The following VPS37A variants were observed in gnomAD, a reference collection of about 807,000 sequenced individuals.
VPS37A encodes VPS37A subunit of ESCRT-I.
VPS37A carries 30 observed loss-of-function variants against 49.8 expected under a neutral mutation model. The observed-to-expected ratio is 0.60, with a 90% CI of 0.45 to 0.82. The LOEUF (loss-of-function observed/expected upper bound fraction) is 0.82. Among genes scored for constraint, VPS37A ranks in the 40% least tolerant of loss-of-function variants. The pLI is 0.00. For missense variants in VPS37A, 593 were observed against 464.4 expected (o/e 1.28, Z -2.55); for synonymous variants, 195 against 160.6 (o/e 1.21, Z -1.62).
At chr8:17,300,339 G>GACTC (rs1157401102), downstream of VPS37A, 3 of 1,150,528 alleles carry the variant, frequency 2.6e-6, no homozygotes, top group African/African-American at 4.7e-5. Context: ...AAGAACATGT[G>GACTC]ACTCAGAGGG....
chr8:17,254,811 A>G (rs912778911), intron 1 of VPS37A, among the ~76,000 whole-genome samples: 1 of 152,176 alleles, frequency 6.6e-6, no homozygotes, highest in Admixed American at 6.5e-5. Context: ...ATGTATAACT[A>G]TTATGTATCC....
At chr8:17,327,605 G>A in the VPS37A span, among the ~76,000 whole-genome samples, 4 of 149,566 alleles carry the variant, frequency 2.7e-5, no homozygotes, top group South Asian at 2.1e-4. Context: ...TTTTAAAAAC[G>A]TATTTTGGAT....
At chr8:17,289,700 T>A (rs912454099) in intron 11 of VPS37A, among the ~76,000 whole-genome samples, 2 of 152,216 alleles carry the variant, frequency 1.3e-5, no homozygotes, top group Non-Finnish European at 2.9e-5. Flanking sequence ...CTTTCTTGGT[T>A]CCATATAAAA....
chr8:17,279,997 T>C (rs1242694463), intron 6 of VPS37A, 31 bp from the exon 7 acceptor site: 3 of 1,607,332 alleles, frequency 1.9e-6, no homozygotes, highest in African/African-American at 1.3e-5. Flanking sequence ...ATGTCTGATA[T>C]TTATTGACAT....
chr8:17,291,430 A>ATTTTTTTTTTTTTTTTTTTTTTTTTTTTT (rs34051181), intron 11 of VPS37A, among the ~76,000 whole-genome samples: 1 of 129,032 alleles, frequency 7.8e-6, no homozygotes, highest in Non-Finnish European at 1.6e-5. Flanking sequence ...GGATTCATTG[A>ATTTTTTTTTTTTTTTTTTTTTTTTTTTTT]TTTTTTTTTT....
intron 11 of VPS37A, among the ~76,000 whole-genome samples, chr8:17,287,639 C>T (rs1288540287): frequency 6.6e-6 from 1 of 151,896 alleles, no homozygotes; most frequent in Non-Finnish European, 1.5e-5. Flanking sequence ...GATCACGCCA[C>T]TGCACTCCAA....
At chr8:17,284,438 C>G (rs746037514) in intron 9 of VPS37A, 35 bp from the exon 10 acceptor site, 2 of 1,543,008 alleles carry the variant, frequency 1.3e-6, no homozygotes, top group Middle Eastern at 2.2e-4. Flanking sequence ...TTGTGAGTAT[C>G]ATAAATTAAA....
the VPS37A span, among the ~76,000 whole-genome samples, chr8:17,328,488 T>C: frequency 6.6e-6 from 1 of 152,140 alleles, no homozygotes; most frequent in African/African-American, 2.4e-5. Context: ...GCACCACATG[T>C]TCTCACTTAA....
chr8:17,327,617 A>G, the VPS37A span, among the ~76,000 whole-genome samples: 1 of 141,896 alleles, frequency 7.0e-6, no homozygotes, highest in African/African-American at 3.0e-5. Context: ...ATTTTGGATT[A>G]GTCCCTAAGA....
chr8:17,267,907 T>G lies in VPS37A; in HGVS notation c.201-351T>G, dbSNP rs540697417. On this transcript the variant is annotated intron_variant, in intron 2 of 11. Transcript: ENST00000324849. Reference sequence around the variant, plus strand: ...GGTCCAATAAATAGCCAGACTGGACTAGTATGGTTCACCTGATAAAAATGC... The same window carrying G: ...GGTCCAATAAATAGCCAGACTGGACGAGTATGGTTCACCTGATAAAAATGC... Among the ~76,000 whole-genome samples, 5 of 152,318 alleles carry G rather than the reference T, an allele frequency of 3.3e-5. No homozygotes were observed. The East Asian group carries it at 9.7e-4, about 29-fold the overall frequency.
chr8:17,282,577 T>A (rs1372115724), intron 9 of VPS37A, among the ~76,000 whole-genome samples: 2 of 152,146 alleles, frequency 1.3e-5, no homozygotes, highest in African/African-American at 2.4e-5. Flanking sequence ...ATTTTTAGCC[T>A]ATACAACAAA....
At chr8:17,309,752 A>G in the VPS37A span, among the ~76,000 whole-genome samples, 7 of 152,286 alleles carry the variant, frequency 4.6e-5, no homozygotes, top group Non-Finnish European at 8.8e-5. Flanking sequence ...TTCAAACCCT[A>G]TCTCAACCAA....
At chr8:17,269,833 A>C (rs1377129045) in intron 4 of VPS37A, among the ~76,000 whole-genome samples, 1 of 152,172 alleles carries the variant, frequency 6.6e-6, no homozygotes, top group African/African-American at 2.4e-5. Flanking sequence ...TCTCGTACTA[A>C]AGATACTGTT....
chr8:17,310,939 C>T, the VPS37A span, among the ~76,000 whole-genome samples: 1 of 152,118 alleles, frequency 6.6e-6, no homozygotes, highest in African/African-American at 2.4e-5. Context: ...TTGAAAGCAA[C>T]GTTACATTTG....
downstream of VPS37A, among the ~76,000 whole-genome samples, chr8:17,306,389 TG>T (rs1425283716): frequency 4.0e-5 from 6 of 150,824 alleles, no homozygotes; most frequent in East Asian, 1.2e-3. Context: ...AAAGACAACT[TG>T]AAAAAAAAAA....
chr8:17,301,138 G>A (rs1395698148), downstream of VPS37A, among the ~76,000 whole-genome samples: 1 of 152,202 alleles, frequency 6.6e-6, no homozygotes, highest in Non-Finnish European at 1.5e-5. Context: ...ATTCACTTAG[G>A]TTATGTGCAA....
intron 11 of VPS37A, among the ~76,000 whole-genome samples, chr8:17,293,650 G>T (rs182709260): frequency 5.9e-5 from 9 of 152,046 alleles, no homozygotes; most frequent in Non-Finnish European, 1.2e-4. Context: ...TTGCATGGTC[G>T]TCATTTTTGT....
chr8:17,282,551 A>G (rs1815173902), intron 9 of VPS37A, among the ~76,000 whole-genome samples: 1 of 152,142 alleles, frequency 6.6e-6, no homozygotes. Flanking sequence ...ATTGAAGTTA[A>G]AAAAAGGGTA....
intron 10 of VPS37A, among the ~76,000 whole-genome samples, chr8:17,286,030 C>T (rs1022060720): frequency 1.3e-5 from 2 of 152,052 alleles, no homozygotes; most frequent in African/African-American, 4.8e-5. Context: ...TCTGCCCAGT[C>T]GACTGGGCTG....
Sources: allele counts gnomAD v4.1 joint callset (sites outside exome capture counted in the v4.1 genomes callset), GRCh38; gene constraint gnomAD v4.1.1; transcripts MANE v1.5; gene names NCBI Gene and HGNC (gene_info 2026-07-23, HGNC 2026-07-21).